Variants in PM20D1 observed in about 807,000 individuals in gnomAD.
PM20D1 encodes the protein N-fatty-acyl-amino acid synthase/hydrolase PM20D1.
A neutral mutation model predicts 53.8 loss-of-function variants in PM20D1; 53 were observed. That is an observed-to-expected ratio of 0.98 (90% CI 0.79 to 1.24). The LOEUF (loss-of-function observed/expected upper bound fraction) is 1.24. Ranked by LOEUF, PM20D1 falls within the 50% of genes most tolerant of loss-of-function variation. The pLI, the probability that PM20D1 is intolerant of heterozygous loss-of-function variation, is 0.00. For synonymous variants in PM20D1, 239 were observed against 241.3 expected (o/e 0.99, Z 0.09); for missense variants, 564 against 616.8 (o/e 0.91, Z 0.91).
chr1:205,849,999 G>A lies in PM20D1; in HGVS notation c.74C>T (p.Ser25Leu). Reference sequence around the variant, plus strand: ...ATGCTCCCCGCTCCTCGGGCCCATCGATCTGGAGACGGTAGGGAAAACTAG... The same window carrying A: ...ATGCTCCCCGCTCCTCGGGCCCATCAATCTGGAGACGGTAGGGAAAACTAG... ...LLLVFPTVSR[S>L]MGPRSGEHQR... Residue 25 changes from serine (S) to leucine (L), a missense_variant, in exon 1 of 13, where the codon TCG becomes TTG. Coordinates refer to ENST00000367136, the MANE Select transcript of PM20D1 (RefSeq NM_152491.5). 6.2e-7 allele frequency: 1 copy of A among 1,614,156 alleles called. No individual in the cohort carries two copies. Among genetic ancestry groups the A allele is most frequent in the Non-Finnish European group, 8.5e-7 (1 of 1,180,010 alleles).
rs1571679402 is a variant in PM20D1 at position 205,844,828 on chromosome 1, G to A, written c.559C>T (p.Leu187=). The change falls in exon 4 of 13, where the codon CTG becomes TTG. Residue 187 remains leucine, a synonymous_variant. Coordinates refer to ENST00000367136, the MANE Select transcript of PM20D1 (RefSeq NM_152491.5). ...YIPRRSFFIS[L]GHDEESSGTG... ...GGCTCTACCTCCTCATCATGGCCCA[G>A]AGAAATGAAGAAAGATCTTCGGGGG... 1 of 1,613,992 alleles carries A rather than the reference G, an allele frequency of 6.2e-7. No individual in the cohort carries two copies.
intron 5 of PM20D1, 113 bp downstream of exon 5, chr1:205,843,974 G>A (rs1558093895): frequency 4.7e-6 from 7 of 1,485,834 alleles, no homozygotes; most frequent in African/African-American, 2.8e-5. Context: ...GGCGATTAAT[G>A]CGAGAGGTGT....
intron 10 of PM20D1, 43 bp from the exon 11 acceptor site, chr1:205,832,809 C>T (rs759768786): frequency 1.2e-4 from 190 of 1,521,586 alleles, no homozygotes; most frequent in Non-Finnish European, 1.6e-4. Context: ...TTATTGATTT[C>T]TATACATGTA....
At chr1:205,836,376 G>T (rs774807226) in intron 10 of PM20D1, among the ~76,000 whole-genome samples, 1 of 152,200 alleles carries the variant, frequency 6.6e-6, no homozygotes, top group Non-Finnish European at 1.5e-5. Context: ...CTCAAGACAG[G>T]TTGTCATCCC....
At position 205,850,048 on chromosome 1, in the gene PM20D1, G is replaced by A. The variant is rs754120877; in HGVS notation, c.25C>T (p.Leu9=). ...AGGAGCAGCATAGCCACCAGGGCCA[G>A]CACGCAAACGCACCGCTGAGCCATG... MAQRCVCV[L]ALVAMLLLVF... Residue 9 remains leucine, a synonymous_variant, in exon 1 of 13, where the codon CTG becomes TTG. Coordinates refer to ENST00000367136, the MANE Select transcript of PM20D1 (RefSeq NM_152491.5). 1.2e-6 allele frequency: 2 copies of A among 1,613,980 alleles called. No individual in the cohort carries two copies. The highest frequency in any genetic ancestry group is 2.2e-5 in the South Asian group (2 of 91,078).
At position 205,850,109 on chromosome 1, in the gene PM20D1, A is replaced by G. The variant is rs761474555; in HGVS notation, c.-37T>C. ...GCTCCTGCTGTCAGGCTACCGGGGT[A>G]GTTCTGACCTAAACGCCCAGACTAG... On this transcript the variant is annotated 5_prime_UTR_variant, in exon 1 of 13. Coordinates refer to ENST00000367136, the MANE Select transcript of PM20D1 (RefSeq NM_152491.5). The G allele has an allele frequency of 2.5e-6, 4 of 1,592,152 alleles. No individual in the cohort carries two copies. In the African/African-American group the frequency reaches 4.0e-5, roughly 16 times the overall value.
intron 1 of PM20D1, 44 bp from the exon 2 acceptor site, chr1:205,848,015 C>T (rs117607111): frequency 2.8e-5 from 44 of 1,579,698 alleles, no homozygotes; most frequent in Non-Finnish European, 3.6e-5. Flanking sequence ...ATGAATTAGT[C>T]ATTGTTTTTT....
At chr1:205,842,601 C>A in intron 7 of PM20D1, 75 bp downstream of exon 7, 2 of 1,467,240 alleles carry the variant, frequency 1.4e-6, no homozygotes, top group Non-Finnish European at 9.5e-7. Context: ...GGGTCCTTTT[C>A]TTACTCTAAA....
rs113964578 is a variant in PM20D1 at position 205,842,929 on chromosome 1, A to G, written c.828-178T>C. 7.2e-3 allele frequency among the ~76,000 whole-genome samples: 1,092 copies of G among 152,184 alleles called. 16 individuals carry two copies. Among genetic ancestry groups the G allele is most frequent in the African/African-American group, 0.024 (1,008 of 41,516 alleles). On this transcript the variant is annotated intron_variant, in intron 6 of 12. Transcript: ENST00000367136. Reference sequence around the variant, plus strand: ...CTGAAGATCTCAAAACATCCCCAGGAGCTTTCCCTGTCTACCAAGTCTGCA... The same window carrying G: ...CTGAAGATCTCAAAACATCCCCAGGGGCTTTCCCTGTCTACCAAGTCTGCA...
chr1:205,848,792 C>T (rs1657062702), intron 1 of PM20D1, among the ~76,000 whole-genome samples: 1 of 152,200 alleles, frequency 6.6e-6, no homozygotes, highest in Non-Finnish European at 1.5e-5. Flanking sequence ...TGCTAAGGAT[C>T]AACCCTACAA....
intron 10 of PM20D1, among the ~76,000 whole-genome samples, chr1:205,839,714 C>T (rs1364603061): frequency 6.6e-6 from 1 of 151,562 alleles, no homozygotes; most frequent in Non-Finnish European, 1.5e-5. Context: ...TACAAAAATA[C>T]AAAGTACAAA....
At chr1:205,842,124 G>T (rs1656824996) in intron 8 of PM20D1, 30 bp downstream of exon 8, 1 of 1,589,500 alleles carries the variant, frequency 6.3e-7, no homozygotes, top group South Asian at 1.1e-5. Context: ...TGAGGTGAGG[G>T]ATGTGAAAAA....
chr1:205,831,983 T>C (rs887813100), intron 11 of PM20D1, among the ~76,000 whole-genome samples: 4 of 152,326 alleles, frequency 2.6e-5, no homozygotes, highest in Admixed American at 2.6e-4. Flanking sequence ...CCAGGGTCCC[T>C]TCCAGATTTG....
chr1:205,844,895 T>A lies in PM20D1; in HGVS notation c.492A>T (p.Ala164=), dbSNP rs956687366. The A allele has an allele frequency of 6.2e-7, 1 of 1,613,250 alleles. No homozygotes were observed. The highest frequency in any genetic ancestry group is 1.1e-5 in the South Asian group (1 of 91,052). ...GTLDDKNSVM[A]LLQALELLLI... is the part of the protein sequence containing the mutation. ...GCAGGAGCTCCAAGGCCTGCAGTAA[T>A]GCCTGGGGTTCAGAAGCACAATGGA... is the stretch of plus-strand genomic sequence containing the variant. Residue 164 remains alanine, a splice_region_variant and synonymous_variant, in exon 4 of 13, where the codon GCA becomes GCT. Transcript: ENST00000367136.
chr1:205,840,200 C>T (rs1048446575), intron 10 of PM20D1, 52 bp downstream of exon 10: 2 of 1,543,072 alleles, frequency 1.3e-6, no homozygotes, highest in East Asian at 4.6e-5. Context: ...GCCCTGAGGG[C>T]CACATCTCCC....
Position 205,850,119 on chromosome 1 carries a change from T to C in PM20D1, c.-47A>G, listed in dbSNP as rs1657102747. ...TCAGGCTACCGGGGTAGTTCTGACC[T>C]AAACGCCCAGACTAGCGTTTCTTGG... is the stretch of plus-strand genomic sequence containing the variant. On this transcript the variant is annotated 5_prime_UTR_variant, in exon 1 of 13. Transcript: ENST00000367136. The C allele has an allele frequency of 1.9e-6, 3 of 1,576,690 alleles. No homozygotes were observed. In the South Asian group the frequency reaches 3.4e-5, roughly 18 times the overall value.
chr1:205,845,553 A>G lies in PM20D1; in HGVS notation c.261T>C (p.Phe87=), dbSNP rs757017071. ...AEFGKYIHKV[F]PTVVSTSFIQ... ...TAAAGCTGGTGCTGACCACTGTAGGAAAGACTAGAAGCAAAAAGGGCAGGA... is the reference window on the plus strand; with the variant it reads ...TAAAGCTGGTGCTGACCACTGTAGGGAAGACTAGAAGCAAAAAGGGCAGGA... Residue 87 remains phenylalanine (F), a synonymous_variant, in exon 3 of 13, where the codon TTT becomes TTC. Coordinates refer to ENST00000367136, the MANE Select transcript of PM20D1 (RefSeq NM_152491.5). 1.9e-6 allele frequency: 3 copies of G among 1,613,382 alleles called. No homozygotes were observed. Among genetic ancestry groups the G allele is most frequent in the South Asian group, 1.1e-5 (1 of 91,072 alleles).
Position 205,828,519 on chromosome 1 carries a change from A to G in PM20D1, c.*101T>C. On this transcript the variant is annotated 3_prime_UTR_variant, in exon 13 of 13. Transcript: ENST00000367136. ...GAGCAAGACAGATGGGCAATGTTTT[A>G]CAATGTGGTTTTGATCAAAAGTTTC... The G allele has an allele frequency of 2.0e-6, 3 of 1,487,870 alleles. No homozygotes were observed. The highest frequency in any genetic ancestry group is 2.7e-6 in the Non-Finnish European group (3 of 1,101,120). 92.2% of individuals were successfully genotyped at this position (1,487,870 alleles called of 1,614,324 possible). A position where few individuals can be genotyped will look rare whatever the true frequency, so the allele number is the denominator to read the frequency against.
At chr1:205,840,716 C>T (rs550816461) in intron 9 of PM20D1, among the ~76,000 whole-genome samples, 28 of 152,336 alleles carry the variant, frequency 1.8e-4, no homozygotes, top group African/African-American at 6.3e-4. Context: ...TGCTTACTCA[C>T]GATGGGGCAG....
Sources: gnomAD v4.1 joint callset for allele counts (sites outside exome capture counted in the v4.1 genomes callset) on GRCh38, gnomAD v4.1.1 for gene constraint, MANE v1.5 for transcripts, NCBI Gene and HGNC (gene_info 2026-07-23, HGNC 2026-07-21) for gene names.